ATG3: variants seen among roughly 807,000 people sequenced by gnomAD.
ATG3 encodes the protein ubiquitin-like-conjugating enzyme ATG3.
A neutral mutation model predicts 50.7 loss-of-function variants in ATG3; 25 were observed. The observed-to-expected ratio is 0.49, with a 90% CI of 0.36 to 0.69. The LOEUF (loss-of-function observed/expected upper bound fraction) is 0.69, where lower values mean the gene tolerates loss of function less well. Among genes scored for constraint, ATG3 ranks in the 30% least tolerant of loss-of-function variants. ATG3 has a pLI of 0.00. For missense variants in ATG3, 281 were observed against 376.0 expected, an observed-to-expected ratio of 0.75 and a Z score of 2.09; for synonymous variants, 119 against 125.5, an observed-to-expected ratio of 0.95 and a Z score of 0.34.
chr3:112,544,132 T>G, intron 5 of ATG3, 26 bp from the exon 6 acceptor site: 2 of 1,554,488 alleles, frequency 1.3e-6, no homozygotes, highest in Middle Eastern at 1.7e-4. Context: ...CAGAAAAGAA[T>G]AACTAAAATT....
At chr3:112,557,209 G>C (rs958435379) in intron 2 of ATG3, among the ~76,000 whole-genome samples, 5 of 140,862 alleles carry the variant, frequency 3.5e-5, no homozygotes, top group Admixed American at 2.3e-4. Flanking sequence ...CCACCATCAC[G>C]CCCCGCTAAT....
intron 1 of ATG3, 82 bp from the exon 2 acceptor site, chr3:112,558,499 G>GGCACCAGGCAAATAA: frequency 8.7e-7 from 1 of 1,144,610 alleles, no homozygotes; most frequent in Non-Finnish European, 1.3e-6. Flanking sequence ...TATTTGCCTG[G>GGCACCAGGCAAATAA]TGCCCTTCTA....
chr3:112,540,530 G>GT, intron 7 of ATG3, among the ~76,000 whole-genome samples: 1 of 151,784 alleles, frequency 6.6e-6, no homozygotes, highest in Non-Finnish European at 1.5e-5. Flanking sequence ...AGTACTGGAT[G>GT]TAATTTATAC....
chr3:112,533,547 T>TA, intron 11 of ATG3: 1 of 985,310 alleles, frequency 1.0e-6, no homozygotes. Flanking sequence ...CGTGGCATCT[T>TA]AGTCTCCACA....
intron 5 of ATG3, among the ~76,000 whole-genome samples, chr3:112,544,638 G>A (rs1171337321): frequency 2.3e-5 from 2 of 85,406 alleles, no homozygotes; most frequent in African/African-American, 7.8e-5. Context: ...TGGGCGACAA[G>A]AGCGAAACTC....
intron 5 of ATG3, among the ~76,000 whole-genome samples, chr3:112,544,571 T>C (rs991534933): frequency 7.0e-6 from 1 of 142,026 alleles, no homozygotes; most frequent in South Asian, 2.2e-4. Flanking sequence ...GGAGAATCGC[T>C]TGGACCCGGA....
rs751691687 is a variant in ATG3, at chr3:112,561,446, G to A, written c.72+11C>T. The A allele has an allele frequency of 1.2e-6, 2 of 1,611,778 alleles. No individual in the cohort carries two copies. The highest frequency in any genetic ancestry group is 1.7e-5 in the Admixed American group (1 of 59,994). ...TGCCTGACAGCTCCCGGCAACCCTG[G>A]CCTGGCTTACCTTGAGGACCGGGGT... On this transcript the variant is annotated intron_variant, in intron 1 of 11. Transcript: ENST00000283290.
At chr3:112,556,858 A>T (rs1933698698) in intron 2 of ATG3, among the ~76,000 whole-genome samples, 1 of 151,894 alleles carries the variant, frequency 6.6e-6, no homozygotes, top group Non-Finnish European at 1.5e-5. Context: ...ACCACTCCCT[A>T]ACCTCAAGTA....
intron 6 of ATG3, 65 bp from the exon 7 acceptor site, chr3:112,541,949 T>C (rs1933242319): frequency 4.6e-6 from 6 of 1,308,588 alleles, no homozygotes; most frequent in African/African-American, 1.5e-5. Flanking sequence ...TGAACACCCA[T>C]GTGCTAGCAC....
chr3:112,544,131 ATAAC>A lies in ATG3; in HGVS notation c.344-29_344-26del, dbSNP rs766033310. On this transcript the variant is annotated intron_variant, in intron 5 of 11. Transcript: ENST00000283290. ...CCTATGTAAAATTCGGCAGAAAAGA[ATAAC>A]TAAAATTAAACTGTAAACACCCTAT... is the stretch of plus-strand genomic sequence containing the variant. The A allele has an allele frequency of 9.0e-6, 14 of 1,563,696 alleles. 1 individual carries two copies. Among genetic ancestry groups the A allele is most frequent in the Middle Eastern group, 3.4e-4 (2 of 5,956 alleles).
In ATG3 at chr3:112,556,454, A is replaced by G. The variant is rs1368475367; in HGVS notation, c.114+1922T>C. 1.6e-3 allele frequency among the ~76,000 whole-genome samples: 204 copies of G among 126,680 alleles called. 1 individual carries two copies. Among genetic ancestry groups the G allele is most frequent in the Non-Finnish European group, 1.7e-3 (100 of 57,994 alleles). The allele number at this position is 126,680 out of a possible 152,430, so 83.1% of individuals were successfully genotyped here. Reference sequence around the variant, plus strand: ...CCGCCCCGTCCGGGAGGTGAGGGGCACCTCTGCCCGGCCGCCCCTACTGGG... The same window carrying G: ...CCGCCCCGTCCGGGAGGTGAGGGGCGCCTCTGCCCGGCCGCCCCTACTGGG... On this transcript the variant is annotated intron_variant, in intron 2 of 11. Coordinates refer to ENST00000283290, the MANE Select transcript of ATG3 (RefSeq NM_022488.5).
chr3:112,555,254 A>T (rs1019358448), intron 2 of ATG3, among the ~76,000 whole-genome samples: 2 of 152,236 alleles, frequency 1.3e-5, no homozygotes, highest in African/African-American at 4.8e-5. Context: ...ATACATGTGT[A>T]CATCTGCCCT....
rs1308922443 is a variant in ATG3 at position 112,561,552 on chromosome 3, C to T, written c.-24G>A. The T allele has an allele frequency of 6.2e-7, 1 of 1,601,350 alleles. No homozygotes were observed. Among genetic ancestry groups the T allele is most frequent in the East Asian group, 2.2e-5 (1 of 44,586 alleles). On this transcript the variant is annotated 5_prime_UTR_variant, in exon 1 of 12. Transcript: ENST00000283290. ...ATCCTGGGGCCGGAGTAGCGGCCGG[C>T]CCCGCGACGGGATGGAAAGTGCAGC... is the stretch of plus-strand genomic sequence containing the variant.
chr3:112,547,853 G>C (rs1455054350), intron 5 of ATG3, among the ~76,000 whole-genome samples: 1 of 152,134 alleles, frequency 6.6e-6, no homozygotes, highest in Non-Finnish European at 1.5e-5. Context: ...TCAGTTCTCT[G>C]GGTAAATGTG....
In ATG3 at chr3:112,561,637, CG is replaced by C; in HGVS notation, c.-110del. ...GCTGCCACCGACTCGCATCAGCACCCGGCTGGCAGCACCCGAGGGGACGGGA... is the reference window on the plus strand; with the variant it reads ...GCTGCCACCGACTCGCATCAGCACCCGCTGGCAGCACCCGAGGGGACGGGA... On this transcript the variant is annotated 5_prime_UTR_variant, in exon 1 of 12. Transcript: ENST00000283290. The C allele has an allele frequency of 2.6e-6, 3 of 1,140,588 alleles. No individual in the cohort carries two copies. The highest frequency in any genetic ancestry group is 2.5e-6 in the Non-Finnish European group (2 of 801,808). The allele number at this position is 1,140,588 out of a possible 1,614,324, so 70.7% of individuals were successfully genotyped here.
At chr3:112,534,514 ATAGT>A in intron 10 of ATG3, 177 bp from the exon 11 acceptor site, 1 of 371,850 alleles carries the variant, frequency 2.7e-6, no homozygotes, top group Non-Finnish European at 4.7e-6. Context: ...ATTTATTAAA[ATAGT>A]TAAATTATAA....
In ATG3 at chr3:112,548,532, C is replaced by T; in HGVS notation, c.343+1G>A. On this transcript the variant is annotated splice_donor_variant, in intron 5 of 11. Transcript: ENST00000283290. LOFTEE classifies it high-confidence loss of function. Reference sequence around the variant, plus strand: ...TATATGTCATTTTATTCTCCTCTTACCTGTGTTGTGATATGTATCTACCCA... The same window carrying T: ...TATATGTCATTTTATTCTCCTCTTATCTGTGTTGTGATATGTATCTACCCA... The T allele has an allele frequency of 6.3e-7, 1 of 1,598,166 alleles. No individual in the cohort carries two copies. Among genetic ancestry groups the T allele is most frequent in the Non-Finnish European group, 8.6e-7 (1 of 1,165,758 alleles).
chr3:112,542,119 T>A (rs1028452927), intron 6 of ATG3, among the ~76,000 whole-genome samples: 4 of 137,438 alleles, frequency 2.9e-5, no homozygotes, highest in Non-Finnish European at 1.5e-5. Flanking sequence ...GCAGTAAGAG[T>A]CATCTAAGCT....
chr3:112,557,176 C>T lies in ATG3; in HGVS notation c.114+1200G>A, dbSNP rs901272543. ...TTTTTCAGACGGAGTCTCGTTCTGTCGCCCAGGCTGGACTACAGGCGCCCA... is the reference window on the plus strand; with the variant it reads ...TTTTTCAGACGGAGTCTCGTTCTGTTGCCCAGGCTGGACTACAGGCGCCCA... On this transcript the variant is annotated intron_variant, in intron 2 of 11. Transcript: ENST00000283290. Among the ~76,000 whole-genome samples, 5 of 133,976 alleles carry T rather than the reference C, an allele frequency of 3.7e-5. No individual in the cohort carries two copies. In the East Asian group the frequency reaches 6.5e-4, roughly 17 times the overall value. The allele number at this position is 133,976 out of a possible 152,430, so 87.9% of individuals were successfully genotyped here.
Sources: allele counts gnomAD v4.1 joint callset (sites outside exome capture counted in the v4.1 genomes callset), GRCh38; gene constraint gnomAD v4.1.1; transcripts MANE v1.5; gene names NCBI Gene and HGNC (gene_info 2026-07-23, HGNC 2026-07-21).